The following KCNE3 variants were observed in gnomAD, a reference collection of about 807,000 sequenced individuals.
KCNE3 encodes the protein potassium voltage-gated channel subfamily E regulatory subunit 3.
In KCNE3, 2 loss-of-function variants were observed where a neutral mutation model predicts 4.3. The ratio of observed to expected loss-of-function variants is 0.47; its 90% CI spans 0.19 to 1.48. The LOEUF (loss-of-function observed/expected upper bound fraction) is 1.48. Among genes scored for constraint, KCNE3 ranks in the 40% most tolerant of loss-of-function variants. KCNE3 has a pLI of 0.25. For synonymous variants in KCNE3, 47 were observed against 52.0 expected (o/e 0.90, Z 0.41); for missense variants, 128 against 136.8 (o/e 0.94, Z 0.32).
chr11:74,458,981 G>A (rs1025944878), intron 2 of KCNE3, among the ~76,000 whole-genome samples: 1 of 152,142 alleles, frequency 6.6e-6, no homozygotes, highest in African/African-American at 2.4e-5. Flanking sequence ...CTAGCTATTT[G>A]TAGAAATTCT....
intron 1 of KCNE3, among the ~76,000 whole-genome samples, chr11:74,464,568 C>A (rs1470665838): frequency 6.6e-6 from 1 of 152,140 alleles, no homozygotes; most frequent in Non-Finnish European, 1.5e-5. Flanking sequence ...GTTGGTGCAA[C>A]CCCCTCATTC....
rs1171985620 is a variant in KCNE3, at chr11:74,457,106, C to T, written c.*146G>A. The T allele has an allele frequency of 1.4e-5, 11 of 807,620 alleles. No homozygotes were observed. The highest frequency in any genetic ancestry group is 1.4e-4 in the South Asian group (9 of 66,604). The allele number at this position is 807,620 out of a possible 1,614,324, so 50.0% of individuals were successfully genotyped here. ...CGGTCTACCAGCCCCTCTTCTCCCA[C>T]CCCAGTGACGACCTCCCTTAACCGT... On this transcript the variant is annotated 3_prime_UTR_variant, in exon 3 of 3. Transcript: ENST00000310128.
chr11:74,465,580 C>A (rs12271302), intron 1 of KCNE3, among the ~76,000 whole-genome samples: 2,265 of 152,238 alleles, frequency 0.015, 52 homozygotes, highest in African/African-American at 0.052. Context: ...TGGCCACATA[C>A]ACCCACCCAC....
At chr11:74,463,801 G>A (rs1864004653) in intron 1 of KCNE3, among the ~76,000 whole-genome samples, 1 of 152,150 alleles carries the variant, frequency 6.6e-6, no homozygotes, top group African/African-American at 2.4e-5. Flanking sequence ...CCAGGTGTTT[G>A]GGCTACTGTT....
At chr11:74,458,389 C>T (rs1180645281) in intron 2 of KCNE3, among the ~76,000 whole-genome samples, 1 of 152,220 alleles carries the variant, frequency 6.6e-6, no homozygotes, top group Non-Finnish European at 1.5e-5. Flanking sequence ...TCCATGATCA[C>T]AGAATATTGG....
At chr11:74,465,516 C>G (rs560904540) in intron 1 of KCNE3, among the ~76,000 whole-genome samples, 1 of 152,236 alleles carries the variant, frequency 6.6e-6, no homozygotes, top group East Asian at 1.9e-4. Context: ...TTCTTGGCCT[C>G]AAAACACCAG....
intron 1 of KCNE3, among the ~76,000 whole-genome samples, chr11:74,466,281 T>A (rs1864055311): frequency 6.6e-6 from 1 of 152,242 alleles, no homozygotes; most frequent in Non-Finnish European, 1.5e-5. Flanking sequence ...TTTTGAGCAC[T>A]CGCACATTAA....
chr11:74,461,429 G>A (rs762923511), intron 2 of KCNE3, among the ~76,000 whole-genome samples: 17 of 151,960 alleles, frequency 1.1e-4, no homozygotes, highest in Middle Eastern at 6.8e-3. Flanking sequence ...TCAGGAGTTC[G>A]AGACCAGCCT....
At chr11:74,465,158 G>A (rs915038580) in intron 1 of KCNE3, among the ~76,000 whole-genome samples, 14 of 151,958 alleles carry the variant, frequency 9.2e-5, no homozygotes, top group Non-Finnish European at 1.5e-4. Context: ...GTGTGTAACT[G>A]TGCGCTTTAA....
At chr11:74,459,132 G>A (rs1431047133) in intron 2 of KCNE3, among the ~76,000 whole-genome samples, 2 of 152,054 alleles carry the variant, frequency 1.3e-5, no homozygotes, top group Non-Finnish European at 2.9e-5. Context: ...CCCACAAAAA[G>A]AAGACACAAG....
At chr11:74,458,009 T>C (rs945852832) in intron 2 of KCNE3, among the ~76,000 whole-genome samples, 1 of 152,214 alleles carries the variant, frequency 6.6e-6, no homozygotes, top group African/African-American at 2.4e-5. Context: ...TTTTTCTTTA[T>C]AAACTACCCA....
rs1591223385 is a variant in KCNE3 at position 74,457,412 on chromosome 11, G to A, written c.152C>T (p.Pro51Leu). The A allele has an allele frequency of 1.2e-6, 2 of 1,613,806 alleles. No individual in the cohort carries two copies. The highest frequency in any genetic ancestry group is 4.5e-5 in the East Asian group (2 of 44,886). The change falls in exon 3 of 3, where the codon CCT (proline) becomes CTT (leucine). Residue 51 changes from proline to leucine, a missense_variant. By Grantham distance (98) the Pro-to-Leu change is moderately conservative (BLOSUM62 -3). Coordinates refer to ENST00000310128, the MANE Select transcript of KCNE3 (RefSeq NM_005472.5). Reference protein sequence around the residue: ...NQTEERRASLPGRDDNSYMYI... With the variant: ...NQTEERRASLLGRDDNSYMYI... ...CATGTAGGAGTTGTCATCACGGCCA[G>A]GTAGGCTGGCCCGCCTCTCTTCAGT...
At chr11:74,459,399 C>T (rs957206385) in intron 2 of KCNE3, among the ~76,000 whole-genome samples, 10 of 151,556 alleles carry the variant, frequency 6.6e-5, no homozygotes, top group South Asian at 2.1e-4. Flanking sequence ...GTAGCTGGGA[C>T]TACAGGCGCC....
rs543280723 is a variant in KCNE3 at position 74,456,788 on chromosome 11, C to T, written c.*464G>A. ...CACAGCACTTGCCCTGCTTTCTTCA[C>T]GGGAGCGGGGGCAGGGTGGTGGTGG... On this transcript the variant is annotated 3_prime_UTR_variant, in exon 3 of 3. Transcript: ENST00000310128. 2.2e-5 allele frequency: 5 copies of T among 225,136 alleles called. No homozygotes were observed. Among genetic ancestry groups the T allele is most frequent in the Non-Finnish European group, 3.6e-5 (4 of 111,046 alleles). 13.9% of individuals were successfully genotyped at this position (225,136 alleles called of 1,614,324 possible). A position where few individuals can be genotyped will look rare whatever the true frequency, so the allele number is the denominator to read the frequency against.
intron 1 of KCNE3, among the ~76,000 whole-genome samples, chr11:74,465,458 C>T (rs1864041006): frequency 6.6e-6 from 1 of 152,126 alleles, no homozygotes; most frequent in Non-Finnish European, 1.5e-5. Context: ...TCTTTGGAAG[C>T]CCAGATGCTC....
chr11:74,457,571 G>A lies in KCNE3; in HGVS notation c.-8C>T, dbSNP rs777742722. On this transcript the variant is annotated 5_prime_UTR_variant, in exon 3 of 3. Coordinates refer to ENST00000310128, the MANE Select transcript of KCNE3 (RefSeq NM_005472.5). ...TCCATTGGTAGTCTCCATAGCAACA[G>A]GGATTGAGGTGGGGGAAGACTCGGT... 33 of 1,613,780 alleles carry A rather than the reference G, an allele frequency of 2.0e-5. No homozygotes were observed. The highest frequency in any genetic ancestry group is 5.0e-5 in the Admixed American group (3 of 60,010).
rs1591222647 is a variant in KCNE3 at position 74,456,984 on chromosome 11, G to C, written c.*268C>G. Reference sequence around the variant, plus strand: ...ACTCCAGCCACTGAACCAGTTATTGGTCATTATCTGTTGCTACTTTTATAT... The same window carrying C: ...ACTCCAGCCACTGAACCAGTTATTGCTCATTATCTGTTGCTACTTTTATAT... On this transcript the variant is annotated 3_prime_UTR_variant, in exon 3 of 3. Transcript: ENST00000310128. 3.9e-6 allele frequency: 2 copies of C among 519,040 alleles called. No individual in the cohort carries two copies. The highest frequency in any genetic ancestry group is 7.0e-6 in the Non-Finnish European group (2 of 286,794). The allele number at this position is 519,040 out of a possible 1,614,324, so 32.2% of individuals were successfully genotyped here. A position where few individuals can be genotyped will look rare whatever the true frequency, so the allele number is the denominator to read the frequency against.
chr11:74,467,494 C>T lies in KCNE3; in HGVS notation c.-286G>A. Reference sequence around the variant, plus strand: ...AAGCGCTGCGACCCTGTGCATTCCACCAGCCCCGTTCCACTCCGCGGGTGC... The same window carrying T: ...AAGCGCTGCGACCCTGTGCATTCCATCAGCCCCGTTCCACTCCGCGGGTGC... On this transcript the variant is annotated 5_prime_UTR_variant, in exon 1 of 3. The change creates a new upstream start codon in the 5' untranslated region. Transcript: ENST00000310128. The surrounding 1 kb of genome is among the most constrained non-coding windows in gnomAD (Gnocchi z 4.4). The T allele has an allele frequency of 6.5e-6, 1 of 152,906 alleles. No individual in the cohort carries two copies. The highest frequency in any genetic ancestry group is 2.4e-5 in the African/African-American group (1 of 41,584). 9.5% of individuals were successfully genotyped at this position (152,906 alleles called of 1,614,324 possible). A position where few individuals can be genotyped will look rare whatever the true frequency, so the allele number is the denominator to read the frequency against.
intron 2 of KCNE3, among the ~76,000 whole-genome samples, chr11:74,457,857 T>C (rs1238246664): frequency 1.3e-5 from 2 of 152,138 alleles, no homozygotes; most frequent in Non-Finnish European, 2.9e-5. Context: ...TCTCACGAGA[T>C]CTGATGGTTT....
Sources: gnomAD v4.1 joint callset for allele counts (sites outside exome capture counted in the v4.1 genomes callset) on GRCh38, gnomAD v4.1.1 for gene constraint, Gnocchi (gnomAD v3.1) non-coding constraint, MANE v1.5 for transcripts, NCBI Gene and HGNC (gene_info 2026-07-23, HGNC 2026-07-21) for gene names.